Variants in TEX264 observed in about 807,000 individuals in gnomAD.
The protein encoded by TEX264 is testis expressed 264, ER-phagy receptor.
Under a neutral mutation model 23.4 loss-of-function variants are expected in TEX264, and 13 were observed. The ratio of observed to expected loss-of-function variants is 0.56; its 90% CI spans 0.36 to 0.88. The LOEUF is 0.88. Among genes scored for constraint, TEX264 ranks in the 40% least tolerant of loss-of-function variants. The pLI is 0.01. For synonymous variants in TEX264, 159 were observed against 170.0 expected, an observed-to-expected ratio of 0.94 and a Z score of 0.50; for missense variants, 340 against 406.8, an observed-to-expected ratio of 0.84 and a Z score of 1.41.
intron 3 of TEX264, among the ~76,000 whole-genome samples, chr3:51,695,984 G>A (rs1703041652): frequency 6.6e-6 from 1 of 152,174 alleles, no homozygotes; most frequent in Non-Finnish European, 1.5e-5. Flanking sequence ...CTGAGGGACT[G>A]GAACTCTGAA....
At chr3:51,695,418 G>A (rs565493689) in intron 3 of TEX264, among the ~76,000 whole-genome samples, 4 of 152,290 alleles carry the variant, frequency 2.6e-5, no homozygotes, top group Admixed American at 1.3e-4. Flanking sequence ...ATCAGCCTTC[G>A]TCCTGGGCCT....
intron 3 of TEX264, among the ~76,000 whole-genome samples, chr3:51,698,283 T>A (rs566374390): frequency 2.0e-5 from 3 of 152,336 alleles, no homozygotes; most frequent in Admixed American, 1.3e-4. Flanking sequence ...TTGGAGTGGC[T>A]TCTCCTTGCC....
intron 1 of TEX264, chr3:51,672,404 T>TCCC (rs1369697309): frequency 6.6e-6 from 1 of 151,562 alleles, no homozygotes; most frequent in African/African-American, 2.4e-5. Flanking sequence ...TGGGTTTTCT[T>TCCC]CCCCCCCGCC....
intron 1 of TEX264, among the ~76,000 whole-genome samples, chr3:51,672,671 T>C (rs112714824): frequency 0.017 from 2,606 of 152,320 alleles, 43 homozygotes; most frequent in Middle Eastern, 0.065. Flanking sequence ...GGAATCAGAC[T>C]GTCTGGGCTT....
At chr3:51,674,707 C>T (rs1291140926) in intron 2 of TEX264, 145 bp downstream of exon 2, 1 of 991,608 alleles carries the variant, frequency 1.0e-6, no homozygotes, top group South Asian at 1.7e-5. Flanking sequence ...GCTTGAAGCA[C>T]CTTCCAGATT....
At chr3:51,699,738 G>T (rs1703215464) in intron 4 of TEX264, among the ~76,000 whole-genome samples, 164 bp downstream of exon 4, 1 of 152,136 alleles carries the variant, frequency 6.6e-6, no homozygotes, top group Admixed American at 6.5e-5. Flanking sequence ...GGACCCACAT[G>T]TGGAGTTGCC....
chr3:51,696,445 G>A (rs1184079632), intron 3 of TEX264, among the ~76,000 whole-genome samples: 1 of 152,176 alleles, frequency 6.6e-6, no homozygotes, highest in African/African-American at 2.4e-5. Flanking sequence ...TTGACATATT[G>A]CCCGGGCCAT....
chr3:51,693,983 TTTCTTTCCTTCCTTCCTTCC>T (rs1341954928), intron 3 of TEX264, among the ~76,000 whole-genome samples: 2 of 148,134 alleles, frequency 1.4e-5, no homozygotes, highest in African/African-American at 2.5e-5. Flanking sequence ...TTCTAATCCC[TTTCTTTCCTTCCTTCCTTCC>T]TTCCTTCCTT....
chr3:51,692,433 GA>G (rs933806683), intron 3 of TEX264, among the ~76,000 whole-genome samples: 5 of 152,184 alleles, frequency 3.3e-5, no homozygotes, highest in Non-Finnish European at 5.9e-5. Context: ...CTTCACTGAG[GA>G]GTGGAGCAGA....
At chr3:51,692,130 G>A (rs1702852205) in intron 3 of TEX264, among the ~76,000 whole-genome samples, 1 of 152,244 alleles carries the variant, frequency 6.6e-6, no homozygotes, top group Admixed American at 6.5e-5. Context: ...TTGTAGCTTG[G>A]CAGCCCTGCA....
chr3:51,701,381 G>A (rs1459834819), intron 4 of TEX264, among the ~76,000 whole-genome samples: 2 of 151,622 alleles, frequency 1.3e-5, no homozygotes, highest in Non-Finnish European at 2.9e-5. Context: ...GAGTGGTGCA[G>A]TGGCAAGATC....
Position 51,674,352 on chromosome 3 carries a change from A to G in TEX264, c.48A>G (p.Leu16=). ...GCCTGATTGGGGGCCTGACTCTCTT[A>G]CTGCTGCTGACGCTGCTGGCCTTTG... ...LLGLIGGLTL[L]LLLTLLAFAG... The change falls in exon 2 of 5, where the codon TTA becomes TTG. Residue 16 remains leucine, a synonymous_variant. Coordinates refer to ENST00000341333, the MANE Select transcript of TEX264 (RefSeq NM_015926.6). 1 of 1,614,146 alleles carries G rather than the reference A, an allele frequency of 6.2e-7. No homozygotes were observed. Among genetic ancestry groups the G allele is most frequent in the Non-Finnish European group, 8.5e-7 (1 of 1,180,024 alleles).
chr3:51,676,607 C>G (rs977043946), intron 2 of TEX264, among the ~76,000 whole-genome samples: 4 of 152,200 alleles, frequency 2.6e-5, no homozygotes, highest in African/African-American at 7.2e-5. Context: ...GCTGAGTGAT[C>G]TTAGGCATAT....
At chr3:51,700,891 C>A (rs1045166872) in intron 4 of TEX264, among the ~76,000 whole-genome samples, 6 of 152,112 alleles carry the variant, frequency 3.9e-5, no homozygotes, top group African/African-American at 4.8e-5. Flanking sequence ...GACACCCCAG[C>A]GGGACTCGGT....
At chr3:51,673,235 T>TG (rs1488110370) in intron 1 of TEX264, among the ~76,000 whole-genome samples, 1 of 152,174 alleles carries the variant, frequency 6.6e-6, no homozygotes, top group African/African-American at 2.4e-5. Context: ...GTCCCCCCAG[T>TG]GGGTCACATG....
At chr3:51,695,288 C>T (rs1703012584) in intron 3 of TEX264, among the ~76,000 whole-genome samples, 1 of 152,210 alleles carries the variant, frequency 6.6e-6, no homozygotes, top group Non-Finnish European at 1.5e-5. Context: ...GGGCCTAGAG[C>T]TTATGTAGGA....
intron 1 of TEX264, chr3:51,672,249 G>A (rs1231260261): frequency 6.6e-6 from 1 of 152,204 alleles, no homozygotes; most frequent in Non-Finnish European, 1.5e-5. Context: ...GGAGCGCTCG[G>A]CCCCTGCCGC....
At position 51,703,845 on chromosome 3, in the gene TEX264, C is replaced by A. The variant is rs371693880; in HGVS notation, c.771C>A (p.Thr257=). The change falls in exon 5 of 5, where the codon ACC becomes ACA. Residue 257 remains threonine, a synonymous_variant. Transcript: ENST00000341333. This position sits in a 1 kb window ranked among gnomAD's most constrained non-coding sequence, Gnocchi z 4.8. The part of the protein sequence containing the change: ...ASSRGWDDGD[T]RSEHSYSESG... ...GCCGTGGCTGGGATGACGGTGACAC[C>A]CGCAGCGAGCACAGCTACAGCGAGT... 6.2e-7 allele frequency: 1 copy of A among 1,613,094 alleles called. No individual in the cohort carries two copies.
chr3:51,701,724 T>C (rs1703312495), intron 4 of TEX264, among the ~76,000 whole-genome samples: 1 of 152,126 alleles, frequency 6.6e-6, no homozygotes, highest in African/African-American at 2.4e-5. Flanking sequence ...CTCCACCTCG[T>C]GGGTTCAAGC....
Sources: gnomAD v4.1 joint callset for allele counts (sites outside exome capture counted in the v4.1 genomes callset) on GRCh38, gnomAD v4.1.1 for gene constraint, Gnocchi (gnomAD v3.1) non-coding constraint, MANE v1.5 for transcripts, NCBI Gene and HGNC (gene_info 2026-07-23, HGNC 2026-07-21) for gene names.